The following PLCG2 variants were observed in gnomAD, a reference collection of about 807,000 sequenced individuals.
PLCG2 encodes phospholipase C gamma 2.
A neutral mutation model predicts 175.6 loss-of-function variants in PLCG2; 69 were observed. The ratio of observed to expected loss-of-function variants is 0.39; its 90% CI spans 0.32 to 0.48. PLCG2 has a LOEUF of 0.48. PLCG2 is among the 20% of genes least tolerant of loss of function. PLCG2 has a pLI of 0.91. For synonymous variants in PLCG2, 827 were observed against 624.0 expected, an observed-to-expected ratio of 1.33 and a Z score of -4.85; for missense variants, 1,798 against 1,650.9, an observed-to-expected ratio of 1.09 and a Z score of -1.54.
intron 14 of PLCG2, among the ~76,000 whole-genome samples, chr16:81,901,682 C>G (rs1322232417): frequency 6.6e-6 from 1 of 152,216 alleles, no homozygotes; most frequent in Non-Finnish European, 1.5e-5. Flanking sequence ...CGGGCTCTGT[C>G]ACCAGCAGAA....
intron 2 of PLCG2, among the ~76,000 whole-genome samples, chr16:81,824,853 A>G (rs976611241): frequency 1.1e-3 from 166 of 152,208 alleles, no homozygotes; most frequent in African/African-American, 3.8e-3. Flanking sequence ...TGCATGTGTG[A>G]TTAAGGGAAA....
intron 5 of PLCG2, among the ~76,000 whole-genome samples, chr16:81,867,457 A>C (rs1425159553): frequency 6.6e-6 from 1 of 152,188 alleles, no homozygotes; most frequent in East Asian, 1.9e-4. Context: ...GTTTGAGGCT[A>C]GCACAGATAA....
At chr16:81,800,564 C>A (rs1302196740) in intron 2 of PLCG2, among the ~76,000 whole-genome samples, 2 of 152,172 alleles carry the variant, frequency 1.3e-5, no homozygotes, top group African/African-American at 4.8e-5. Context: ...TTTATGGCTG[C>A]ATAGTATTCC....
chr16:81,937,154 C>T (rs1362605250), intron 27 of PLCG2, among the ~76,000 whole-genome samples: 1 of 152,210 alleles, frequency 6.6e-6, no homozygotes, highest in African/African-American at 2.4e-5. Flanking sequence ...TGCCAAACTG[C>T]CCTCCATAGA....
intron 14 of PLCG2, among the ~76,000 whole-genome samples, chr16:81,903,910 G>A (rs1909255596): frequency 6.6e-6 from 1 of 152,202 alleles, no homozygotes; most frequent in Admixed American, 6.5e-5. Context: ...GAAATGAGGT[G>A]GAAATAGCGT....
chr16:81,841,407 A>AT (rs1905823595), intron 2 of PLCG2, among the ~76,000 whole-genome samples: 2 of 151,828 alleles, frequency 1.3e-5, no homozygotes, highest in Admixed American at 1.3e-4. Context: ...TGCCCAGCTA[A>AT]TTTTTGTATT....
chr16:81,956,987 G>A, intron 32 of PLCG2, 108 bp downstream of exon 32: 1 of 949,878 alleles, frequency 1.1e-6, no homozygotes, highest in East Asian at 2.5e-5. Context: ...GCTTTCTTCA[G>A]AAATCCTTGG....
At chr16:81,874,623 C>T (rs1314754357) in intron 7 of PLCG2, among the ~76,000 whole-genome samples, 1 of 152,164 alleles carries the variant, frequency 6.6e-6, no homozygotes, top group Non-Finnish European at 1.5e-5. Context: ...TCTCAGGCTC[C>T]TGCAGGAGAC....
intron 5 of PLCG2, among the ~76,000 whole-genome samples, 171 bp from the exon 6 acceptor site, chr16:81,869,043 G>A (rs750358047): frequency 3.4e-4 from 52 of 152,270 alleles, no homozygotes; most frequent in Non-Finnish European, 6.2e-4. Context: ...GCTCATTGAA[G>A]TGTCACCCTT....
At chr16:81,789,020 C>T (rs1201680296) in intron 2 of PLCG2, among the ~76,000 whole-genome samples, 2 of 152,248 alleles carry the variant, frequency 1.3e-5, no homozygotes, top group Non-Finnish European at 2.9e-5. Flanking sequence ...CCATCAGAAA[C>T]ACCCAGGGGG....
chr16:81,915,844 C>T (rs1425478446), intron 19 of PLCG2, among the ~76,000 whole-genome samples: 1 of 152,274 alleles, frequency 6.6e-6, no homozygotes, highest in African/African-American at 2.4e-5. Flanking sequence ...TTTTTAATTA[C>T]ATGAATATTG....
chr16:81,834,591 A>AGCTGCTGCTGCTGCTGCTGCTGCTGCT (rs112113666), intron 2 of PLCG2, among the ~76,000 whole-genome samples: 8 of 151,240 alleles, frequency 5.3e-5, no homozygotes, highest in Non-Finnish European at 1.2e-4. Context: ...GGATCTGCAG[A>AGCTGCTGCTGCTGCTGCTGCTGCTGCT]GCTGCTGCTG....
In PLCG2 at chr16:81,877,546, C is replaced by T. The variant is rs540552809; in HGVS notation, c.649-3364C>T. On this transcript the variant is annotated intron_variant, in intron 7 of 32. Transcript: ENST00000564138. ...TCCAGGTGTTGGCAGGGCCACACCC[C>T]TCGGAAGGCTCCAGGGAAGGATGTG... is the stretch of plus-strand genomic sequence containing the variant. 1.8e-4 allele frequency among the ~76,000 whole-genome samples: 28 copies of T among 152,376 alleles called. No individual in the cohort carries two copies. In the South Asian group the frequency reaches 5.6e-3, roughly 30 times the overall value.
rs774450505 is a variant in PLCG2, at chr16:81,928,643, T to C, written c.2581+19T>C. 2 of 1,552,678 alleles carry C rather than the reference T, an allele frequency of 1.3e-6. No individual in the cohort carries two copies. The highest frequency in any genetic ancestry group is 3.3e-5 in the Admixed American group (2 of 59,928). The stretch of plus-strand genomic sequence containing the variant: ...AACGTCGGTACGTGCACACATCATC[T>C]TAGCCTGGATTTCCACCCCTATCCC... On this transcript the variant is annotated intron_variant, in intron 24 of 32. Coordinates refer to ENST00000564138, the MANE Select transcript of PLCG2 (RefSeq NM_002661.5).
At chr16:81,776,095 T>G (rs1395106235), upstream of PLCG2, among the ~76,000 whole-genome samples, 2 of 46,946 alleles carry the variant, frequency 4.3e-5, no homozygotes, top group Non-Finnish European at 1.1e-4. Flanking sequence ...CTCTCTTTCT[T>G]TCTTTTTTTC....
At position 81,937,902 on chromosome 16, in the gene PLCG2, A is replaced by G; in HGVS notation, c.3197A>G (p.Lys1066Arg). 1.2e-6 allele frequency: 2 copies of G among 1,613,920 alleles called. No individual in the cohort carries two copies. The highest frequency in any genetic ancestry group is 2.2e-5 in the South Asian group (2 of 91,052). The change falls in exon 28 of 33, where the codon AAG becomes AGG. Residue 1066 changes from lysine (K) to arginine (R), a missense_variant and splice_region_variant. Physicochemically the swap from Lys to Arg is conservative, Grantham distance 26. Transcript: ENST00000564138. Reference sequence around the variant, plus strand: ...AAGATCCTGATGACGCTGACAGTCAAGGTAAAGCCAGCCCTCCCTTCCTGC... The same window carrying G: ...AAGATCCTGATGACGCTGACAGTCAGGGTAAAGCCAGCCCTCCCTTCCTGC... ...QRKILMTLTV[K>R]VLGARHLPKL... is the part of the protein sequence containing the mutation.
At position 81,931,621 on chromosome 16, in the gene PLCG2, C is replaced by T. The variant is rs375379804; in HGVS notation, c.2706C>T (p.Ser902=). The T allele has an allele frequency of 7.4e-6, 12 of 1,613,876 alleles. No individual in the cohort carries two copies. Among genetic ancestry groups the T allele is most frequent in the East Asian group, 2.2e-5 (1 of 44,880 alleles). The change falls in exon 25 of 33, where the codon AGC becomes AGT. Residue 902 remains serine, a synonymous_variant. Transcript: ENST00000564138. ...AGGAGCTCTTTGAGTGGTTTCAGAG[C>T]ATCCGAGAGATCACCTGGAAGATTG... ...RVEELFEWFQ[S]IREITWKIDT...
At chr16:81,751,546 T>C (rs544331279) in intron 1 of PLCG2, among the ~76,000 whole-genome samples, 1 of 152,286 alleles carries the variant, frequency 6.6e-6, no homozygotes, top group South Asian at 2.1e-4. Context: ...TTTTGAGACC[T>C]ATTGTATGGC....
rs932191264 is a variant in PLCG2 at position 81,960,671 on chromosome 16, C to T, written c.*2673C>T. 4.3e-6 allele frequency: 1 copy of T among 230,540 alleles called. No homozygotes were observed. The allele number at this position is 230,540 out of a possible 1,614,324, so 14.3% of individuals were successfully genotyped here. A position where few individuals can be genotyped will look rare whatever the true frequency, so the allele number is the denominator to read the frequency against. On this transcript the variant is annotated 3_prime_UTR_variant, in exon 33 of 33. Coordinates refer to ENST00000564138, the MANE Select transcript of PLCG2 (RefSeq NM_002661.5). ...CTCATGGGACTTATCTATAGTGGAA[C>T]ACATTTGAAGACCTACTGCTCTATT...
Sources: allele counts gnomAD v4.1 joint callset (sites outside exome capture counted in the v4.1 genomes callset), GRCh38; gene constraint gnomAD v4.1.1; transcripts MANE v1.5; gene names NCBI Gene and HGNC (gene_info 2026-07-23, HGNC 2026-07-21).